ASIC2: variants seen among roughly 807,000 people sequenced by gnomAD.
ASIC2 encodes acid-sensing ion channel 2.
Under a neutral mutation model 57.3 loss-of-function variants are expected in ASIC2, and 25 were observed. That is an observed-to-expected ratio of 0.44 (90% CI 0.32 to 0.61). The LOEUF (loss-of-function observed/expected upper bound fraction) is 0.61, where lower values mean the gene tolerates loss of function less well. ASIC2 is among the 20% of genes least tolerant of loss of function. The pLI, the probability that ASIC2 is intolerant of heterozygous loss-of-function variation, is 0.06. For missense variants in ASIC2, 641 were observed against 738.1 expected, an observed-to-expected ratio of 0.87 and a Z score of 1.52; for synonymous variants, 319 against 307.5, an observed-to-expected ratio of 1.04 and a Z score of -0.39.
At chr17:33,605,586 T>C (rs1905212087) in intron 1 of ASIC2, among the ~76,000 whole-genome samples, 1 of 152,094 alleles carries the variant, frequency 6.6e-6, no homozygotes, top group Non-Finnish European at 1.5e-5. Context: ...TAAACTGGTA[T>C]TCCATGTGTT....
chr17:34,039,897 C>T, intron 1 of ASIC2: 8 of 1,568,348 alleles, frequency 5.1e-6, no homozygotes, highest in Non-Finnish European at 7.0e-6. Context: ...CCGCCGCTGC[C>T]GCTCCACGCT....
intron 1 of ASIC2, among the ~76,000 whole-genome samples, chr17:33,729,655 C>A (rs1449365740): frequency 3.3e-5 from 5 of 152,276 alleles, no homozygotes; most frequent in African/African-American, 1.2e-4. Context: ...CCTTAAACTG[C>A]TTTTGCTTTA....
At chr17:33,363,988 C>G (rs940597022) in intron 1 of ASIC2, among the ~76,000 whole-genome samples, 1 of 152,158 alleles carries the variant, frequency 6.6e-6, no homozygotes, top group African/African-American at 2.4e-5. Flanking sequence ...ATAATGGACA[C>G]ATCATGTCTC....
chr17:33,541,920 C>G (rs1308448375), intron 1 of ASIC2, among the ~76,000 whole-genome samples: 2 of 152,192 alleles, frequency 1.3e-5, no homozygotes, highest in Admixed American at 6.5e-5. Flanking sequence ...CCCTTACAAG[C>G]TGTGATCTTA....
At chr17:34,045,734 A>G (rs1908309860) in intron 1 of ASIC2, among the ~76,000 whole-genome samples, 1 of 152,186 alleles carries the variant, frequency 6.6e-6, no homozygotes, top group African/African-American at 2.4e-5. Context: ...GCTGAAAGCA[A>G]AATTGGTCCT....
intron 1 of ASIC2, among the ~76,000 whole-genome samples, chr17:33,929,171 G>A (rs1451910679): frequency 6.6e-6 from 1 of 152,066 alleles, no homozygotes; most frequent in Non-Finnish European, 1.5e-5. Flanking sequence ...CAGGAGACTG[G>A]CTCAGCTCAC....
intron 1 of ASIC2, among the ~76,000 whole-genome samples, chr17:33,320,462 A>G (rs922743377): frequency 4.6e-5 from 7 of 152,164 alleles, no homozygotes; most frequent in African/African-American, 1.4e-4. Flanking sequence ...ATAGACAACA[A>G]AACAGACCTA....
intron 1 of ASIC2, among the ~76,000 whole-genome samples, chr17:33,227,682 A>C (rs1907940398): frequency 6.6e-6 from 1 of 152,134 alleles, no homozygotes; most frequent in Non-Finnish European, 1.5e-5. Flanking sequence ...TTGTTCTAAG[A>C]GCTTTGCATA....
chr17:33,890,920 G>A (rs916785274), intron 1 of ASIC2, among the ~76,000 whole-genome samples: 5 of 2,278 alleles, frequency 2.2e-3, no homozygotes, highest in Admixed American at 7.0e-3. Flanking sequence ...TTGGTAAGCA[G>A]CAGACACTCT....
chr17:33,777,703 A>T (rs1473263469), intron 1 of ASIC2, among the ~76,000 whole-genome samples: 1 of 152,200 alleles, frequency 6.6e-6, no homozygotes, highest in Non-Finnish European at 1.5e-5. Context: ...TAGAAAATGA[A>T]TGTCCAGGTT....
chr17:33,794,726 C>T (rs1162420086), intron 1 of ASIC2: 3 of 152,134 alleles, frequency 2.0e-5, no homozygotes, highest in Non-Finnish European at 2.9e-5. Context: ...ACAAACAAGC[C>T]TTCTATCACA....
At chr17:33,443,512 A>C (rs192459496) in intron 1 of ASIC2, among the ~76,000 whole-genome samples, 9,700 of 137,706 alleles carry the variant, frequency 0.07, 415 homozygotes, top group Middle Eastern at 0.12. Context: ...CTCCCGGGTT[A>C]ACGCCATTCT....
chr17:33,145,326 G>A (rs944969391), intron 1 of ASIC2, among the ~76,000 whole-genome samples: 5 of 152,214 alleles, frequency 3.3e-5, no homozygotes, highest in African/African-American at 1.2e-4. Flanking sequence ...CAGCACCAGC[G>A]TTGCCATGCA....
chr17:33,437,872 CT>C (rs1467286264), intron 1 of ASIC2, among the ~76,000 whole-genome samples: 4 of 152,170 alleles, frequency 2.6e-5, no homozygotes, highest in African/African-American at 9.7e-5. Context: ...GGACTCCCAC[CT>C]TCCTGTTCCC....
At chr17:33,677,246 G>C (rs1907855256) in intron 1 of ASIC2, among the ~76,000 whole-genome samples, 1 of 152,196 alleles carries the variant, frequency 6.6e-6, no homozygotes, top group Admixed American at 6.5e-5. Context: ...CTAGAGAGAA[G>C]TCAATGTCTG....
At chr17:33,172,740 C>A (rs912384303) in intron 1 of ASIC2, among the ~76,000 whole-genome samples, 1 of 152,354 alleles carries the variant, frequency 6.6e-6, no homozygotes, top group Non-Finnish European at 1.5e-5. Flanking sequence ...GTGTGGCCCC[C>A]AGACTGGTAG....
At chr17:33,643,729 A>G (rs1906654501) in intron 1 of ASIC2, among the ~76,000 whole-genome samples, 1 of 152,166 alleles carries the variant, frequency 6.6e-6, no homozygotes. Flanking sequence ...CTCACCTGTA[A>G]AACACTGAAC....
intron 1 of ASIC2, among the ~76,000 whole-genome samples, chr17:33,778,764 G>T (rs955936302): frequency 2.0e-5 from 3 of 152,136 alleles, no homozygotes; most frequent in Admixed American, 6.5e-5. Context: ...AACGCACAGG[G>T]TATTGATGCA....
At chr17:33,427,293 G>A (rs1911251774) in intron 1 of ASIC2, among the ~76,000 whole-genome samples, 1 of 152,136 alleles carries the variant, frequency 6.6e-6, no homozygotes, top group Non-Finnish European at 1.5e-5. Flanking sequence ...CTCTGTACAG[G>A]GGAAAACAAA....
Sources: gnomAD v4.1 joint callset for allele counts (sites outside exome capture counted in the v4.1 genomes callset) on GRCh38, gnomAD v4.1.1 for gene constraint, MANE v1.5 for transcripts, NCBI Gene and HGNC (gene_info 2026-07-23, HGNC 2026-07-21) for gene names.